The following SNTG1 variants were observed in gnomAD, a reference collection of about 807,000 sequenced individuals.
The protein encoded by SNTG1 is syntrophin gamma 1.
Under a neutral mutation model 74.7 loss-of-function variants are expected in SNTG1, and 39 were observed. The observed-to-expected ratio is 0.52, with a 90% CI of 0.40 to 0.68. SNTG1 has a LOEUF of 0.68. Ranked by LOEUF, SNTG1 falls within the 30% of genes least tolerant of loss-of-function variation. SNTG1 has a pLI of 0.00. For synonymous variants in SNTG1, 254 were observed against 217.1 expected, an observed-to-expected ratio of 1.17 and a Z score of -1.49; for missense variants, 685 against 609.5, an observed-to-expected ratio of 1.12 and a Z score of -1.30.
chr8:50,673,025 G>A (rs1012221989), intron 15 of SNTG1, among the ~76,000 whole-genome samples: 11 of 151,796 alleles, frequency 7.2e-5, no homozygotes, highest in African/African-American at 2.7e-4. Context: ...TGAAGTCTCT[G>A]TTCTGTTCCA....
chr8:50,077,428 C>T (rs1445984382), intron 1 of SNTG1, among the ~76,000 whole-genome samples: 1 of 151,988 alleles, frequency 6.6e-6, no homozygotes, highest in Non-Finnish European at 1.5e-5. Context: ...TTCTGTTTTT[C>T]TCTTTGAGGA....
At chr8:50,065,835 C>T (rs1389198398) in intron 1 of SNTG1, among the ~76,000 whole-genome samples, 3 of 152,158 alleles carry the variant, frequency 2.0e-5, no homozygotes, top group African/African-American at 2.4e-5. Flanking sequence ...CTAATTTACT[C>T]AAGGTGTAGA....
chr8:50,077,771 A>G (rs1822026129), intron 1 of SNTG1, among the ~76,000 whole-genome samples: 1 of 152,152 alleles, frequency 6.6e-6, no homozygotes, highest in Non-Finnish European at 1.5e-5. Context: ...GTGTGTGTCC[A>G]AGAATCTTTG....
intron 15 of SNTG1, among the ~76,000 whole-genome samples, chr8:50,702,571 T>TA (rs2095429863): frequency 6.6e-6 from 1 of 152,220 alleles, no homozygotes; most frequent in Non-Finnish European, 1.5e-5. Context: ...ATGATACACT[T>TA]ACATCCCTCC....
chr8:50,695,807 C>A (rs998051397), intron 15 of SNTG1, among the ~76,000 whole-genome samples: 6 of 151,296 alleles, frequency 4.0e-5, no homozygotes, highest in South Asian at 2.1e-4. Flanking sequence ...TAATTGTATT[C>A]TTTTTAATGG....
At chr8:50,020,282 T>A (rs1223436739) in intron 1 of SNTG1, among the ~76,000 whole-genome samples, 1 of 152,142 alleles carries the variant, frequency 6.6e-6, no homozygotes, top group African/African-American at 2.4e-5. Flanking sequence ...ACAGAGTGAA[T>A]AATAAGCCTT....
At chr8:50,484,213 CTTCT>C (rs1563454087) in intron 8 of SNTG1, among the ~76,000 whole-genome samples, 4 of 109,010 alleles carry the variant, frequency 3.7e-5, no homozygotes, top group African/African-American at 1.6e-4. Flanking sequence ...TCCTTCCTTC[CTTCT>C]TTCTTTCTTT....
chr8:50,700,524 C>G (rs375416598), intron 15 of SNTG1, among the ~76,000 whole-genome samples: 2 of 152,252 alleles, frequency 1.3e-5, no homozygotes, highest in South Asian at 2.1e-4. Flanking sequence ...TATGCTGCCC[C>G]CTTCTCACTT....
intron 1 of SNTG1, among the ~76,000 whole-genome samples, chr8:50,148,925 G>T (rs1321898228): frequency 6.6e-6 from 1 of 152,160 alleles, no homozygotes; most frequent in Non-Finnish European, 1.5e-5. Context: ...GTAATGGGAT[G>T]GCTGGGTGAA....
chr8:50,148,198 T>G (rs2081938324), intron 1 of SNTG1, among the ~76,000 whole-genome samples: 1 of 152,050 alleles, frequency 6.6e-6, no homozygotes. Context: ...TGAATATGAA[T>G]TCATACTGGT....
chr8:49,913,082 A>G (rs1585472286), intron 1 of SNTG1, among the ~76,000 whole-genome samples: 1 of 152,348 alleles, frequency 6.6e-6, no homozygotes, highest in Admixed American at 6.5e-5. Flanking sequence ...GACCTTGATA[A>G]GCATTCTGCT....
intron 8 of SNTG1, among the ~76,000 whole-genome samples, chr8:50,460,637 G>A (rs371862739): frequency 2.0e-5 from 3 of 152,190 alleles, no homozygotes; most frequent in South Asian, 2.1e-4. Context: ...TTAACTCTTT[G>A]ATACATCTTG....
At chr8:50,369,730 C>A (rs551899191) in intron 2 of SNTG1, among the ~76,000 whole-genome samples, 19 of 152,296 alleles carry the variant, frequency 1.2e-4, no homozygotes, top group Admixed American at 3.3e-4. Context: ...CCCACTGGAA[C>A]TTGATCTTGG....
intron 1 of SNTG1, among the ~76,000 whole-genome samples, chr8:49,956,205 T>C (rs1333935920): frequency 6.6e-6 from 1 of 152,238 alleles, no homozygotes; most frequent in Non-Finnish European, 1.5e-5. Flanking sequence ...TTTTAGGTTC[T>C]GCAAAGACAT....
intron 2 of SNTG1, among the ~76,000 whole-genome samples, chr8:50,299,927 T>C (rs2089571785): frequency 1.3e-5 from 2 of 152,188 alleles, no homozygotes; most frequent in South Asian, 4.1e-4. Flanking sequence ...TTATCTTTCA[T>C]AGCAGTATCT....
chr8:50,246,594 G>A (rs572180682), intron 2 of SNTG1, among the ~76,000 whole-genome samples: 9 of 151,624 alleles, frequency 5.9e-5, no homozygotes, highest in East Asian at 3.9e-4. Context: ...GATTTCCCTC[G>A]AAATTGCTCA....
At chr8:50,066,614 C>T (rs203943) in intron 1 of SNTG1, among the ~76,000 whole-genome samples, 131,547 of 152,214 alleles carry the variant, frequency 0.86, 56,981 homozygotes, top group East Asian at 0.99. Flanking sequence ...CAGAAATGAA[C>T]GCAGACATTG....
At chr8:50,137,386 T>G in intron 1 of SNTG1, among the ~76,000 whole-genome samples, 1 of 152,162 alleles carries the variant, frequency 6.6e-6, no homozygotes, top group African/African-American at 2.4e-5. Context: ...TCTCACTGCC[T>G]GTAGTCAACT....
intron 18 of SNTG1, among the ~76,000 whole-genome samples, chr8:50,784,321 T>A (rs1356057019): frequency 1.3e-5 from 2 of 152,122 alleles, no homozygotes; most frequent in South Asian, 4.1e-4. Flanking sequence ...TAAACACACA[T>A]GTAGGTTGCA....
Sources: allele counts gnomAD v4.1 joint callset (sites outside exome capture counted in the v4.1 genomes callset), GRCh38; gene constraint gnomAD v4.1.1; transcripts MANE v1.5; gene names NCBI Gene and HGNC (gene_info 2026-07-23, HGNC 2026-07-21).